The following ACYP2 variants were observed in gnomAD, a reference collection of about 807,000 sequenced individuals.
ACYP2 encodes the protein acylphosphatase 2.
ACYP2 carries 12 observed loss-of-function variants against 11.2 expected under a neutral mutation model. That is an observed-to-expected ratio of 1.08 (90% CI 0.69 to 1.74). ACYP2 has a LOEUF of 1.74. Ranked by LOEUF, ACYP2 falls within the 40% of genes most tolerant of loss-of-function variation. The pLI, the probability that ACYP2 is intolerant of heterozygous loss-of-function variation, is 0.00. For synonymous variants in ACYP2, 43 were observed against 32.2 expected (o/e 1.33, Z -1.13); for missense variants, 134 against 101.9 (o/e 1.31, Z -1.35).
intron 6 of ACYP2, among the ~76,000 whole-genome samples, chr2:54,196,074 G>A (rs541536560): frequency 7.2e-5 from 11 of 152,002 alleles, no homozygotes; most frequent in South Asian, 4.2e-4. Flanking sequence ...CTGGGATTAC[G>A]GGCATGAGCC....
At chr2:54,165,014 T>G (rs1682889040) in intron 6 of ACYP2, among the ~76,000 whole-genome samples, 1 of 152,228 alleles carries the variant, frequency 6.6e-6, no homozygotes, top group Admixed American at 6.5e-5. Context: ...TCCAGCTTCA[T>G]CCATGTCCCT....
chr2:54,150,224 G>C, intron 6 of ACYP2, among the ~76,000 whole-genome samples: 1 of 152,180 alleles, frequency 6.6e-6, no homozygotes, highest in East Asian at 1.9e-4. Flanking sequence ...GCAGAGTGGA[G>C]TTGTTACAAC....
chr2:54,163,370 T>C (rs60263687), intron 6 of ACYP2, among the ~76,000 whole-genome samples: 2,495 of 152,314 alleles, frequency 0.016, 75 homozygotes, highest in African/African-American at 0.057. Context: ...TATTAAATGC[T>C]ACAAGAGGGT....
intron 4 of ACYP2, among the ~76,000 whole-genome samples, chr2:54,098,429 CA>C (rs1215349371): frequency 6.6e-6 from 1 of 152,072 alleles, no homozygotes; most frequent in Admixed American, 6.5e-5. Context: ...CTCTCCCTGC[CA>C]TTGATTCATT....
At chr2:54,133,449 G>C (rs769848189) in intron 4 of ACYP2, among the ~76,000 whole-genome samples, 2 of 151,824 alleles carry the variant, frequency 1.3e-5, no homozygotes, top group Non-Finnish European at 2.9e-5. Context: ...TGGCTTTTGA[G>C]TACGAAAAAG....
intron 4 of ACYP2, among the ~76,000 whole-genome samples, chr2:54,088,470 C>T (rs1404614585): frequency 1.3e-5 from 2 of 152,108 alleles, no homozygotes; most frequent in Non-Finnish European, 2.9e-5. Context: ...TCTGCCAGGG[C>T]CTGCGAGCAC....
intron 4 of ACYP2, among the ~76,000 whole-genome samples, 167 bp downstream of exon 1, chr2:54,115,923 G>A (rs1359055449): frequency 1.3e-5 from 2 of 149,866 alleles, no homozygotes; most frequent in Non-Finnish European, 2.9e-5. Flanking sequence ...ACGCGCATGC[G>A]CCCGAGGACT....
intron 6 of ACYP2, among the ~76,000 whole-genome samples, chr2:54,282,968 A>G (rs556157984): frequency 2.0e-4 from 30 of 152,318 alleles, no homozygotes; most frequent in African/African-American, 7.2e-4. Flanking sequence ...TTTTACAATG[A>G]TCAAATATTA....
chr2:54,232,904 C>A (rs752747141), intron 6 of ACYP2, among the ~76,000 whole-genome samples: 1 of 152,112 alleles, frequency 6.6e-6, no homozygotes, highest in East Asian at 1.9e-4. Context: ...GATTACAATT[C>A]GAGATGAGAT....
chr2:54,180,729 A>T (rs1683669917), intron 6 of ACYP2, among the ~76,000 whole-genome samples: 1 of 151,770 alleles, frequency 6.6e-6, no homozygotes, highest in Admixed American at 6.6e-5. Flanking sequence ...TAATTTTTGT[A>T]TTTTTTTGTA....
chr2:54,277,970 ATTAAT>A (rs757887617), intron 6 of ACYP2, among the ~76,000 whole-genome samples: 3 of 152,050 alleles, frequency 2.0e-5, no homozygotes, highest in Admixed American at 6.6e-5. Context: ...ATTTTAATTA[ATTAAT>A]TTATTTATTT....
chr2:54,007,622 T>G (rs545050176), intron 2 of ACYP2, among the ~76,000 whole-genome samples: 2 of 152,148 alleles, frequency 1.3e-5, no homozygotes, highest in Non-Finnish European at 2.9e-5. Context: ...TCCCAGCACT[T>G]TGGGATACTG....
intron 6 of ACYP2, among the ~76,000 whole-genome samples, chr2:54,277,632 C>T (rs928946277): frequency 5.3e-5 from 8 of 152,040 alleles, no homozygotes; most frequent in African/African-American, 1.7e-4. Flanking sequence ...GAGCCACAGT[C>T]GTGCTACTGC....
At chr2:54,200,875 A>AGT (rs35049240) in intron 6 of ACYP2, among the ~76,000 whole-genome samples, 89,233 of 151,838 alleles carry the variant, frequency 0.59, 26,701 homozygotes, top group African/African-American at 0.7. Context: ...TCCCACTGGC[A>AGT]GTGTATGAGT....
At chr2:54,178,273 A>G (rs2103863095) in intron 6 of ACYP2, among the ~76,000 whole-genome samples, 1 of 152,302 alleles carries the variant, frequency 6.6e-6, no homozygotes, top group Non-Finnish European at 1.5e-5. Context: ...ACATCAAAGC[A>G]TTTATTATGC....
chr2:53,980,138 T>A (rs563095280), intron 2 of ACYP2, among the ~76,000 whole-genome samples: 2 of 152,200 alleles, frequency 1.3e-5, no homozygotes, highest in East Asian at 3.9e-4. Context: ...AGCCCAGGAA[T>A]TCAAGACCAG....
At chr2:54,210,432 A>G (rs1483020521) in intron 6 of ACYP2, among the ~76,000 whole-genome samples, 1 of 151,576 alleles carries the variant, frequency 6.6e-6, no homozygotes, top group African/African-American at 2.4e-5. Context: ...AACAATAAAT[A>G]TAAATAGAAT....
chr2:54,124,044 A>G (rs938983291), intron 4 of ACYP2, among the ~76,000 whole-genome samples: 1 of 152,244 alleles, frequency 6.6e-6, no homozygotes, highest in Non-Finnish European at 1.5e-5. Context: ...ATACACTTCT[A>G]AACAATTATT....
chr2:54,086,028 C>G (rs1361069417), intron 4 of ACYP2, among the ~76,000 whole-genome samples: 3 of 152,110 alleles, frequency 2.0e-5, no homozygotes, highest in Non-Finnish European at 4.4e-5. Context: ...ACTGCAACCT[C>G]CACCTTCCAG....
Sources: allele counts gnomAD v4.1 joint callset (sites outside exome capture counted in the v4.1 genomes callset), GRCh38; gene constraint gnomAD v4.1.1; transcripts MANE v1.5; gene names NCBI Gene and HGNC (gene_info 2026-07-23, HGNC 2026-07-21).